The following ACAN variants were observed in gnomAD, a reference collection of about 807,000 sequenced individuals.
ACAN encodes the protein aggrecan core protein.
In ACAN, 47 loss-of-function variants were observed where a neutral mutation model predicts 169.1. The ratio of observed to expected loss-of-function variants is 0.28; its 90% CI spans 0.22 to 0.35. The LOEUF is 0.35. Ranked by LOEUF, ACAN falls within the 10% of genes least tolerant of loss-of-function variation. The pLI is 1.00. For synonymous variants in ACAN, 1,115 were observed against 1,112.2 expected (o/e 1.00, Z -0.05); for missense variants, 2,716 against 2,759.9 (o/e 0.98, Z 0.36).
At chr15:88,848,930 C>A (rs58704752) in intron 9 of ACAN, among the ~76,000 whole-genome samples, 4,145 of 152,304 alleles carry the variant, frequency 0.027, 197 homozygotes, top group African/African-American at 0.095. Context: ...CCCCCTAAAC[C>A]GGATAGGTAT....
At chr15:88,804,921 G>A (rs1377967253) in intron 1 of ACAN, among the ~76,000 whole-genome samples, 1 of 152,166 alleles carries the variant, frequency 6.6e-6, no homozygotes, top group Non-Finnish European at 1.5e-5. Flanking sequence ...CCTGGGTGCT[G>A]CAGTGGGTGG....
Position 88,866,737 on chromosome 15 carries a change from G to A in ACAN, c.6947-1479G>A, listed in dbSNP as rs187909188. Among the ~76,000 whole-genome samples, 67 of 152,278 alleles carry A rather than the reference G, an allele frequency of 4.4e-4. 1 individual carries two copies. The highest frequency in any genetic ancestry group is 1.4e-3 in the African/African-American group (59 of 41,570). Reference sequence around the variant, plus strand: ...TAGAAGATGTCTACTATGCACCAGCGTAAGGACTCAGAGGAAACCGCCTTT... The same window carrying A: ...TAGAAGATGTCTACTATGCACCAGCATAAGGACTCAGAGGAAACCGCCTTT... On this transcript the variant is annotated intron_variant, in intron 13 of 18. Transcript: ENST00000560601. This position sits in a 1 kb window ranked among gnomAD's most constrained non-coding sequence, Gnocchi z 5.6.
In ACAN at chr15:88,874,111, A is replaced by AC; in HGVS notation, c.7630+88dup. 1 of 1,500,722 alleles carries AC rather than the reference A, an allele frequency of 6.7e-7. No individual in the cohort carries two copies. The allele number at this position is 1,500,722 out of a possible 1,614,324, so 93.0% of individuals were successfully genotyped here. On this transcript the variant is annotated intron_variant, in intron 18 of 18. Transcript: ENST00000560601. The surrounding 1 kb of genome is among the most constrained non-coding windows in gnomAD (Gnocchi z 7.3). The stretch of plus-strand genomic sequence containing the variant: ...CCCCGTCCCCTCTCCTGGGGACCCT[A>AC]CACCGTCCACAGGGTTGAGCAAGGG...
At chr15:88,848,936 G>T (rs1024130248) in intron 9 of ACAN, among the ~76,000 whole-genome samples, 2 of 152,246 alleles carry the variant, frequency 1.3e-5, no homozygotes, top group African/African-American at 4.8e-5. Context: ...AAACCGGATA[G>T]GTATCAGGTA....
chr15:88,853,851 T>TA (rs1193939703), intron 11 of ACAN, among the ~76,000 whole-genome samples: 3 of 151,486 alleles, frequency 2.0e-5, no homozygotes, highest in Non-Finnish European at 4.4e-5. Flanking sequence ...CTAACTTTTT[T>TA]TTTTTTTTCA....
intron 1 of ACAN, among the ~76,000 whole-genome samples, chr15:88,813,741 G>C (rs1236259258): frequency 6.6e-6 from 1 of 152,188 alleles, no homozygotes; most frequent in African/African-American, 2.4e-5. Context: ...AAGCAGGTCA[G>C]GCAGTGGGGC....
At chr15:88,840,555 G>T (rs1283073836) in intron 4 of ACAN, among the ~76,000 whole-genome samples, 3 of 152,038 alleles carry the variant, frequency 2.0e-5, no homozygotes, top group Non-Finnish European at 4.4e-5. Flanking sequence ...GTTATAAATT[G>T]AACCCCTTGG....
Position 88,857,149 on chromosome 15 carries a change from G to T in ACAN, c.4564G>T (p.Val1522Leu). 1.2e-6 allele frequency: 2 copies of T among 1,612,398 alleles called. No individual in the cohort carries two copies. The highest frequency in any genetic ancestry group is 1.1e-5 in the South Asian group (1 of 90,904). ...GEGLETSASG[V>L]EDLSRLPSGE... Reference sequence around the variant, plus strand: ...AGGTCTAGAGACCTCTGCTTCTGGAGTAGAGGACCTCAGCAGGCTCCCTTC... The same window carrying T: ...AGGTCTAGAGACCTCTGCTTCTGGATTAGAGGACCTCAGCAGGCTCCCTTC... Residue 1522 changes from valine to leucine, a missense_variant, in exon 12 of 19, where the codon GTA (valine) becomes TTA (leucine). Physicochemically the swap from Val to Leu is conservative, Grantham distance 32. Coordinates refer to ENST00000560601, the MANE Select transcript of ACAN (RefSeq NM_001369268.1).
In ACAN at chr15:88,845,678, C is replaced by T. The variant is rs1896776466; in HGVS notation, c.1225C>T (p.Pro409Ser). Residue 409 changes from proline (P) to serine (S), a missense_variant, in exon 7 of 19, where the codon CCC becomes TCC. This residue lies in a region of ACAN where 1,283 missense variants were observed against 1,281.5 expected (regional missense o/e 1.00). Coordinates refer to ENST00000560601, the MANE Select transcript of ACAN (RefSeq NM_001369268.1). The stretch of plus-strand genomic sequence containing the variant: ...CGTAAAGCCCATCTTCGAGGTCTCC[C>T]CCAGTCCCCTGGAACCCGAGGAGCC... The part of the protein sequence containing the change: ...LTVKPIFEVS[P>S]SPLEPEEPFT... 2 of 1,614,040 alleles carry T rather than the reference C, an allele frequency of 1.2e-6. No individual in the cohort carries two copies. The highest frequency in any genetic ancestry group is 1.7e-6 in the Non-Finnish European group (2 of 1,179,904).
chr15:88,838,878 G>C lies in ACAN; in HGVS notation c.286G>C (p.Val96Leu). ...LLVATEGRVR[V>L]NSAYQDKVSL... is the part of the protein sequence containing the mutation. ...GGTGGCCACTGAAGGGCGCGTGCGG[G>C]TCAACAGTGCCTATCAGGACAAGGT... The change falls in exon 3 of 19, where the codon GTC becomes CTC. Residue 96 changes from valine (V) to leucine (L), a missense_variant. By Grantham distance (32) the Val-to-Leu change is conservative. This residue lies in a region of ACAN where 1,283 missense variants were observed against 1,281.5 expected (regional missense o/e 1.00). Coordinates refer to ENST00000560601, the MANE Select transcript of ACAN (RefSeq NM_001369268.1). The surrounding 1 kb of genome is among the most constrained non-coding windows in gnomAD (Gnocchi z 5.1). 1 of 1,614,074 alleles carries C rather than the reference G, an allele frequency of 6.2e-7. No individual in the cohort carries two copies. Among genetic ancestry groups the C allele is most frequent in the South Asian group, 1.1e-5 (1 of 91,086 alleles).
chr15:88,816,479 G>C (rs1895945436), intron 1 of ACAN, among the ~76,000 whole-genome samples: 1 of 152,208 alleles, frequency 6.6e-6, no homozygotes, highest in Non-Finnish European at 1.5e-5. Flanking sequence ...TGTATGATCT[G>C]AGCTGAAATC....
chr15:88,845,393 C>T, intron 6 of ACAN, 112 bp from the exon 7 acceptor site: 1 of 1,458,144 alleles, frequency 6.9e-7, no homozygotes, highest in African/African-American at 1.4e-5. Flanking sequence ...GTGGTGCCCT[C>T]CTGCCCCAGC....
In ACAN at chr15:88,838,082, T is replaced by C. The variant is rs1228435797; in HGVS notation, c.71-581T>C. Among the ~76,000 whole-genome samples, 3 of 152,040 alleles carry C rather than the reference T, an allele frequency of 2.0e-5. No homozygotes were observed. In the East Asian group the frequency reaches 5.8e-4, roughly 29 times the overall value. On this transcript the variant is annotated intron_variant, in intron 2 of 18. Transcript: ENST00000560601. The surrounding 1 kb of genome is among the most constrained non-coding windows in gnomAD (Gnocchi z 5.1). ...CTGACTGTTTGCACACCAAAAGGTC[T>C]GATCTTCTCGGATGCTTCTCCACCT...
At chr15:88,845,483 C>A in intron 6 of ACAN, 22 bp from the exon 7 acceptor site, 1 of 1,578,186 alleles carries the variant, frequency 6.3e-7, no homozygotes, top group Non-Finnish European at 8.6e-7. Context: ...GAGGCTAAAG[C>A]TTGTCTTTGC....
chr15:88,835,037 G>T (rs1043600879), intron 1 of ACAN, among the ~76,000 whole-genome samples: 3 of 152,174 alleles, frequency 2.0e-5, no homozygotes, highest in African/African-American at 4.8e-5. Flanking sequence ...CGATAAGGAA[G>T]GTTTGTCTTT....
In ACAN at chr15:88,858,722, C is replaced by T. The variant is rs1897122830; in HGVS notation, c.6137C>T (p.Thr2046Ile). The T allele has an allele frequency of 3.1e-6, 5 of 1,613,908 alleles. No individual in the cohort carries two copies. The African/African-American group carries it at 5.3e-5, about 17-fold the overall frequency. Reference protein sequence around the residue: ...LITSEFVEGVTEPTISQELGQ... With the variant: ...LITSEFVEGVIEPTISQELGQ... ...ACTTCTGAGTTCGTGGAGGGTGTTA[C>T]TGAACCAACTATTTCTCAGGAACTA... is the stretch of plus-strand genomic sequence containing the variant. Residue 2046 changes from threonine to isoleucine, a missense_variant, in exon 12 of 19, where the codon ACT (threonine) becomes ATT (isoleucine). Physicochemically the swap from Thr to Ile is moderately conservative, Grantham distance 89 (BLOSUM62 -1). Coordinates refer to ENST00000560601, the MANE Select transcript of ACAN (RefSeq NM_001369268.1). The surrounding 1 kb of genome is among the most constrained non-coding windows in gnomAD (Gnocchi z 4.0).
chr15:88,843,742 G>GC lies in ACAN; in HGVS notation c.1051+97dup, dbSNP rs1419435753. On this transcript the variant is annotated intron_variant, in intron 6 of 18. Transcript: ENST00000560601. This position sits in a 1 kb window ranked among gnomAD's most constrained non-coding sequence, Gnocchi z 4.0. ...TCTTGGAAAGGGAGGGTTGGTTTTT[G>GC]CCCTTGAAGGGGCCACGGGGTACCT... is the stretch of plus-strand genomic sequence containing the variant. 1 of 1,467,840 alleles carries GC rather than the reference G, an allele frequency of 6.8e-7. No individual in the cohort carries two copies. Among genetic ancestry groups the GC allele is most frequent in the East Asian group, 2.3e-5 (1 of 43,250 alleles). 90.9% of individuals were successfully genotyped at this position (1,467,840 alleles called of 1,614,324 possible).
At chr15:88,846,212 C>G (rs1373024513) in intron 7 of ACAN, among the ~76,000 whole-genome samples, 3 of 152,086 alleles carry the variant, frequency 2.0e-5, no homozygotes, top group African/African-American at 7.2e-5. Flanking sequence ...CCTCCTTGCC[C>G]CATCAGACAC....
At position 88,858,914 on chromosome 15, in the gene ACAN, G is replaced by C. The variant is rs1261394262; in HGVS notation, c.6329G>C (p.Gly2110Ala). 2 of 1,608,970 alleles carry C rather than the reference G, an allele frequency of 1.2e-6. No individual in the cohort carries two copies. Among genetic ancestry groups the C allele is most frequent in the African/African-American group, 1.3e-5 (1 of 74,688 alleles). ...SSETSAYPEA[G>A]FGASAAPEAS... ...GAGACGTCCGCCTATCCTGAAGCTG[G>C]GTTCGGGGCATCTGCCGCCCCTGAG... The change falls in exon 12 of 19, where the codon GGG (glycine) becomes GCG (alanine). Residue 2110 changes from glycine (G) to alanine (A), a missense_variant. Coordinates refer to ENST00000560601, the MANE Select transcript of ACAN (RefSeq NM_001369268.1). This position sits in a 1 kb window ranked among gnomAD's most constrained non-coding sequence, Gnocchi z 4.0.
Sources: allele counts gnomAD v4.1 joint callset (sites outside exome capture counted in the v4.1 genomes callset), GRCh38; gene constraint gnomAD v4.1.1; regional missense constraint gnomAD v4.1.1; non-coding constraint Gnocchi (gnomAD v3.1); transcripts MANE v1.5; gene names NCBI Gene and HGNC (gene_info 2026-07-23, HGNC 2026-07-21).